Variants in LOC400499 observed in about 807,000 individuals in gnomAD.
chr16:11,500,995 G>A, the LOC400499 span: 3 of 398,904 alleles, frequency 7.5e-6, no homozygotes, highest in Admixed American at 4.4e-5. Flanking sequence ...CGACCCACAC[G>A]TGCTGAGCGC....
the LOC400499 span, chr16:11,392,334 G>C: frequency 7.5e-6 from 3 of 399,020 alleles, no homozygotes; most frequent in Non-Finnish European, 1.3e-5. Context: ...TGGCCCAGCA[G>C]GCCCCCCTGG....
the LOC400499 span, among the ~76,000 whole-genome samples, chr16:11,467,744 C>G: frequency 7.2e-5 from 11 of 152,184 alleles, no homozygotes; most frequent in Admixed American, 1.3e-4. Context: ...AAATAAAACC[C>G]AGAAACCCAA....
the LOC400499 span, chr16:11,447,842 A>G: frequency 1.2e-3 from 1,646 of 1,420,954 alleles, 14 homozygotes; most frequent in African/African-American, 0.021. Flanking sequence ...TTCTCCAGGT[A>G]GCTCTGCCCA....
the LOC400499 span, among the ~76,000 whole-genome samples, chr16:11,405,431 T>G: frequency 6.6e-6 from 1 of 152,096 alleles, no homozygotes; most frequent in East Asian, 1.9e-4. Flanking sequence ...AATGATGGGA[T>G]AAGGTGACAA....
At chr16:11,431,576 T>A in the LOC400499 span, among the ~76,000 whole-genome samples, 4 of 152,112 alleles carry the variant, frequency 2.6e-5, no homozygotes, top group African/African-American at 9.7e-5. Context: ...TGGCTAGTTT[T>A]TGTACTTTTG....
chr16:11,372,533 G>C, the LOC400499 span: 1 of 153,978 alleles, frequency 6.5e-6, no homozygotes, highest in African/African-American at 2.4e-5. Flanking sequence ...AGAGTTTCAT[G>C]TCCCCCGGAA....
the LOC400499 span, chr16:11,471,635 G>A: frequency 5.8e-4 from 232 of 399,102 alleles, no homozygotes; most frequent in Non-Finnish European, 9.2e-4. Flanking sequence ...GAAAGACGGG[G>A]CTGTTGTCTA....
At chr16:11,511,313 T>C in the LOC400499 span, among the ~76,000 whole-genome samples, 3 of 152,118 alleles carry the variant, frequency 2.0e-5, no homozygotes, top group Non-Finnish European at 2.9e-5. Flanking sequence ...TTTCTGTAAC[T>C]TTCCCCATAA....
the LOC400499 span, among the ~76,000 whole-genome samples, chr16:11,489,600 A>G: frequency 6.6e-6 from 1 of 152,136 alleles, no homozygotes; most frequent in Non-Finnish European, 1.5e-5. Flanking sequence ...AATCTATCAC[A>G]GAATAGAGCA....
At chr16:11,386,820 C>G in the LOC400499 span, among the ~76,000 whole-genome samples, 1 of 152,242 alleles carries the variant, frequency 6.6e-6, no homozygotes, top group Admixed American at 6.5e-5. Flanking sequence ...TGAAGTCAGT[C>G]AGTTCTCTTC....
chr16:11,426,559 A>C, the LOC400499 span, among the ~76,000 whole-genome samples: 5 of 152,146 alleles, frequency 3.3e-5, no homozygotes, highest in Admixed American at 3.3e-4. Flanking sequence ...TTTTACTCTT[A>C]GCATATTTAT....
At chr16:11,441,110 G>A in the LOC400499 span, 1 of 398,994 alleles carries the variant, frequency 2.5e-6, no homozygotes, top group Non-Finnish European at 4.4e-6. Context: ...ACTGAGAGAG[G>A]TCTCATCCCA....
chr16:11,421,616 C>T, the LOC400499 span, among the ~76,000 whole-genome samples: 1 of 152,184 alleles, frequency 6.6e-6, no homozygotes, highest in African/African-American at 2.4e-5. Context: ...GTTGGCCAGG[C>T]TGATCTCGAA....
chr16:11,473,874 G>C, the LOC400499 span, among the ~76,000 whole-genome samples: 1 of 152,190 alleles, frequency 6.6e-6, no homozygotes, highest in African/African-American at 2.4e-5. Context: ...TAGCTAGCTA[G>C]AGACAGAATC....
At chr16:11,446,707 G>A in the LOC400499 span, 4 of 1,532,440 alleles carry the variant, frequency 2.6e-6, no homozygotes, top group Non-Finnish European at 3.5e-6. Context: ...CCTTCCTCTG[G>A]CTCTCAGGCC....
the LOC400499 span, chr16:11,399,889 A>C: frequency 1.0e-5 from 4 of 398,294 alleles, no homozygotes; most frequent in Non-Finnish European, 1.8e-5. Flanking sequence ...CGGTGTCCCC[A>C]CAGCCATCTC....
At chr16:11,519,100 G>C in the LOC400499 span, 4 of 397,028 alleles carry the variant, frequency 1.0e-5, no homozygotes, top group Admixed American at 4.4e-5. Flanking sequence ...AAGGCAGAGA[G>C]ACCCCTCCCT....
the LOC400499 span, chr16:11,383,609 G>C: frequency 1.6e-6 from 2 of 1,232,254 alleles, no homozygotes; most frequent in African/African-American, 3.1e-5. Flanking sequence ...GATGCCAGAC[G>C]GGGCAGAGTG....
chr16:11,421,514 G>T, the LOC400499 span, among the ~76,000 whole-genome samples: 2 of 152,000 alleles, frequency 1.3e-5, no homozygotes, highest in South Asian at 2.1e-4. Flanking sequence ...CGATTCTCCT[G>T]CCTCCGCCTC....
Sources: allele counts gnomAD v4.1 joint callset (sites outside exome capture counted in the v4.1 genomes callset), GRCh38; gene constraint gnomAD v4.1.1; transcripts MANE v1.5.